GAS2: variants seen among roughly 807,000 people sequenced by gnomAD.
GAS2 encodes the protein growth arrest-specific protein 2.
GAS2 carries 20 observed loss-of-function variants against 37.5 expected under a neutral mutation model. That is an observed-to-expected ratio of 0.53 (90% CI 0.37 to 0.77). The LOEUF (loss-of-function observed/expected upper bound fraction) is 0.77, where lower values mean the gene tolerates loss of function less well. Ranked by LOEUF, GAS2 falls within the 30% of genes least tolerant of loss-of-function variation. The pLI, the probability that GAS2 is intolerant of heterozygous loss-of-function variation, is 0.00. For missense variants in GAS2, 336 were observed against 373.4 expected (o/e 0.90, Z 0.82); for synonymous variants, 144 against 132.2 (o/e 1.09, Z -0.61).
chr11:22,698,478 C>A (rs113015521), intron 3 of GAS2, among the ~76,000 whole-genome samples: 2 of 151,992 alleles, frequency 1.3e-5, no homozygotes, highest in East Asian at 3.9e-4. Context: ...GAAACTATTC[C>A]AATCAATAGA....
At chr11:22,789,760 C>G (rs1205479810) in intron 7 of GAS2, among the ~76,000 whole-genome samples, 5 of 151,652 alleles carry the variant, frequency 3.3e-5, no homozygotes, top group Admixed American at 3.3e-4. Flanking sequence ...CCACCGCGCC[C>G]GGCCATGATA....
intron 3 of GAS2, among the ~76,000 whole-genome samples, chr11:22,716,737 C>T (rs1851699925): frequency 6.6e-6 from 1 of 151,474 alleles, no homozygotes; most frequent in African/African-American, 2.4e-5. Context: ...TGATGATATA[C>T]CTAGAAAACC....
At position 22,686,618 on chromosome 11, in the gene GAS2, C is replaced by T. The variant is rs182437912; in HGVS notation, c.267+829C>T. Among the ~76,000 whole-genome samples, 6 of 143,388 alleles carry T rather than the reference C, an allele frequency of 4.2e-5. No homozygotes were observed. In the East Asian group the frequency reaches 6.5e-4, roughly 16 times the overall value. 94.1% of individuals were successfully genotyped at this position (143,388 alleles called of 152,430 possible). ...AAAAAAAAATAGCCTGGCATCATGA[C>T]ACATGTCTATAATCCCAGCTACTCA... On this transcript the variant is annotated intron_variant, in intron 3 of 7. Coordinates refer to ENST00000454584, the MANE Select transcript of GAS2 (RefSeq NM_001143830.3).
intron 3 of GAS2, among the ~76,000 whole-genome samples, chr11:22,707,625 C>A (rs542603497): frequency 4.6e-5 from 7 of 152,050 alleles, no homozygotes; most frequent in Non-Finnish European, 1.0e-4. Context: ...ATTGTCCAAA[C>A]ATGGTGCAAA....
intron 2 of GAS2, among the ~76,000 whole-genome samples, chr11:22,676,001 T>C (rs1244875303): frequency 6.6e-6 from 1 of 152,162 alleles, no homozygotes; most frequent in East Asian, 1.9e-4. Context: ...GCATGGCTTT[T>C]GTATTTATTT....
chr11:22,778,829 G>C (rs1855399483), intron 7 of GAS2, among the ~76,000 whole-genome samples: 1 of 152,126 alleles, frequency 6.6e-6, no homozygotes, highest in Non-Finnish European at 1.5e-5. Flanking sequence ...CATTTGTTCT[G>C]TGAAATGCAT....
Position 22,706,381 on chromosome 11 carries a change from T to G in GAS2, c.268-19911T>G, listed in dbSNP as rs904371160. Among the ~76,000 whole-genome samples, 43 of 152,122 alleles carry G rather than the reference T, an allele frequency of 2.8e-4. 1 individual carries two copies. Among genetic ancestry groups the G allele is most frequent in the African/African-American group, 9.9e-4 (41 of 41,498 alleles). ...TAAGTTTTAGGGTACATGTGCACATTGTGCAGGTTAGTTACATATGTATAC... is the reference window on the plus strand; with the variant it reads ...TAAGTTTTAGGGTACATGTGCACATGGTGCAGGTTAGTTACATATGTATAC... On this transcript the variant is annotated intron_variant, in intron 3 of 7. Coordinates refer to ENST00000454584, the MANE Select transcript of GAS2 (RefSeq NM_001143830.3).
chr11:22,756,548 G>A (rs1854053522), intron 7 of GAS2, among the ~76,000 whole-genome samples: 1 of 151,782 alleles, frequency 6.6e-6, no homozygotes, highest in African/African-American at 2.4e-5. Context: ...ACTCAAATCT[G>A]CAATGACTCT....
intron 1 of GAS2, among the ~76,000 whole-genome samples, chr11:22,629,385 C>G (rs1187521901): frequency 6.6e-6 from 1 of 151,938 alleles, no homozygotes; most frequent in African/African-American, 2.4e-5. Context: ...AGGTAGTATC[C>G]TTTTCCATAG....
intron 7 of GAS2, among the ~76,000 whole-genome samples, chr11:22,770,548 T>A (rs891626004): frequency 6.6e-6 from 1 of 152,224 alleles, no homozygotes; most frequent in African/African-American, 2.4e-5. Flanking sequence ...TATGTTTCTC[T>A]TGTAGAATTG....
chr11:22,780,882 G>A (rs12223790), intron 7 of GAS2, among the ~76,000 whole-genome samples: 7 of 152,226 alleles, frequency 4.6e-5, no homozygotes, highest in East Asian at 3.9e-4. Flanking sequence ...CCTAGATTCA[G>A]GATTAAATTC....
intron 1 of GAS2, among the ~76,000 whole-genome samples, chr11:22,653,026 T>TCTTTCTTTCTTTCTTTCTTTCTTTCTTC (rs1848810678): frequency 6.7e-6 from 1 of 148,956 alleles, no homozygotes; most frequent in African/African-American, 2.5e-5. Context: ...TTTCTTTCTT[T>TCTTTCTTTCTTTCTTTCTTTCTTTCTTC]CTTTCTTTCT....
intron 1 of GAS2, among the ~76,000 whole-genome samples, chr11:22,635,544 C>T (rs191405685): frequency 1.3e-5 from 2 of 152,218 alleles, no homozygotes; most frequent in Non-Finnish European, 2.9e-5. Flanking sequence ...CCTACCAAGA[C>T]AGTAAAGGTG....
chr11:22,774,968 AAGAGAG>A (rs145755514), intron 7 of GAS2, among the ~76,000 whole-genome samples: 1 of 149,622 alleles, frequency 6.7e-6, no homozygotes, highest in Non-Finnish European at 1.5e-5. Flanking sequence ...AGATGAGGGG[AAGAGAG>A]AGAGAGAGAG....
intron 3 of GAS2, among the ~76,000 whole-genome samples, chr11:22,723,131 T>A (rs114007658): frequency 0.014 from 2,122 of 152,016 alleles, 43 homozygotes; most frequent in African/African-American, 0.048. Flanking sequence ...TCACACTGTT[T>A]ACTATTTCCC....
chr11:22,790,682 C>T (rs141597110), intron 7 of GAS2, among the ~76,000 whole-genome samples: 2,425 of 149,912 alleles, frequency 0.016, 69 homozygotes, highest in African/African-American at 0.053. Flanking sequence ...AGGCTGGTCT[C>T]GAAGTCCTGC....
At chr11:22,654,318 G>A (rs1848831018) in intron 1 of GAS2, among the ~76,000 whole-genome samples, 3 of 152,056 alleles carry the variant, frequency 2.0e-5, no homozygotes, top group Admixed American at 2.0e-4. Flanking sequence ...AACCCCTCTA[G>A]TTGAAATTAT....
chr11:22,726,071 C>T (rs1852196731), intron 3 of GAS2, among the ~76,000 whole-genome samples: 1 of 152,042 alleles, frequency 6.6e-6, no homozygotes, highest in African/African-American at 2.4e-5. Flanking sequence ...ATCTTAACCC[C>T]TAGGTACTAA....
chr11:22,773,144 C>T (rs894987897), intron 7 of GAS2, among the ~76,000 whole-genome samples: 1 of 152,070 alleles, frequency 6.6e-6, no homozygotes, highest in African/African-American at 2.4e-5. Context: ...ATTCTTTCTC[C>T]TCCTAGAGGC....
Sources: allele counts gnomAD v4.1 joint callset (sites outside exome capture counted in the v4.1 genomes callset), GRCh38; gene constraint gnomAD v4.1.1; transcripts MANE v1.5; gene names NCBI Gene and HGNC (gene_info 2026-07-23, HGNC 2026-07-21).